SH3RF3: variants seen among roughly 807,000 people sequenced by gnomAD.
SH3RF3 encodes E3 ubiquitin-protein ligase SH3RF3.
Under a neutral mutation model 66.3 loss-of-function variants are expected in SH3RF3, and 29 were observed. The ratio of observed to expected loss-of-function variants is 0.44; its 90% CI spans 0.33 to 0.60. The LOEUF (loss-of-function observed/expected upper bound fraction) is 0.60, where lower values mean the gene tolerates loss of function less well. Among genes scored for constraint, SH3RF3 ranks in the 20% least tolerant of loss-of-function variants. The pLI is 0.04. For missense variants in SH3RF3, 1,194 were observed against 1,190.9 expected (o/e 1.00, Z -0.04); for synonymous variants, 583 against 532.0 (o/e 1.10, Z -1.32).
At chr2:109,486,905 G>A (rs1678995180) in intron 8 of SH3RF3, among the ~76,000 whole-genome samples, 2 of 152,320 alleles carry the variant, frequency 1.3e-5, no homozygotes, top group South Asian at 2.1e-4. Flanking sequence ...CAAACGAGAC[G>A]TTTTGTTCCT....
rs150095908 is a variant in SH3RF3, at chr2:109,205,350, C to T, written c.573+75237C>T. On this transcript the variant is annotated intron_variant, in intron 1 of 9. Transcript: ENST00000309415. ...ATCTCAGCTCAAGAGATTCTCCTGC[C>T]GCAGCCTTCTGAGTAGCTGGGACTA... 2.8e-3 allele frequency among the ~76,000 whole-genome samples: 418 copies of T among 151,674 alleles called. 4 individuals carry two copies. Among genetic ancestry groups the T allele is most frequent in the African/African-American group, 9.3e-3 (384 of 41,336 alleles).
chr2:109,440,072 C>G (rs10171859), intron 7 of SH3RF3, among the ~76,000 whole-genome samples: 2 of 152,154 alleles, frequency 1.3e-5, no homozygotes, highest in South Asian at 4.1e-4. Context: ...AGCAGAGGAA[C>G]CAGCATGAGC....
intron 8 of SH3RF3, among the ~76,000 whole-genome samples, chr2:109,474,283 G>C (rs977837855): frequency 7.2e-5 from 11 of 152,198 alleles, no homozygotes; most frequent in African/African-American, 2.4e-4. Flanking sequence ...AAGAGCTGAA[G>C]TTTTGAGCCG....
chr2:109,251,503 C>A (rs1221020564), intron 1 of SH3RF3: 1 of 742,420 alleles, frequency 1.3e-6, no homozygotes, highest in East Asian at 2.6e-5. Flanking sequence ...CAGACATGTC[C>A]AAGGAATATT....
chr2:109,131,487 C>G (rs1455407681), intron 1 of SH3RF3, among the ~76,000 whole-genome samples: 3 of 152,152 alleles, frequency 2.0e-5, no homozygotes, highest in Non-Finnish European at 4.4e-5. Context: ...TTCTTCTGTT[C>G]TGATAAATTA....
At chr2:109,429,448 C>T (rs559508918) in intron 5 of SH3RF3, among the ~76,000 whole-genome samples, 113 of 152,276 alleles carry the variant, frequency 7.4e-4, no homozygotes, top group African/African-American at 2.5e-3. Context: ...ATCAACAGAA[C>T]GAACTTAAAA....
At chr2:109,479,975 A>C (rs1678792426) in intron 8 of SH3RF3, among the ~76,000 whole-genome samples, 1 of 152,090 alleles carries the variant, frequency 6.6e-6, no homozygotes, top group Non-Finnish European at 1.5e-5. Flanking sequence ...TATGCAGGTG[A>C]CATGTCCCCT....
chr2:109,454,259 C>T (rs976921107), intron 8 of SH3RF3, among the ~76,000 whole-genome samples: 1 of 152,194 alleles, frequency 6.6e-6, no homozygotes, highest in Non-Finnish European at 1.5e-5. Context: ...TTTATAATTA[C>T]TTTGTCTACT....
intron 2 of SH3RF3, among the ~76,000 whole-genome samples, chr2:109,362,496 T>C (rs1478339084): frequency 1.3e-5 from 2 of 152,216 alleles, no homozygotes; most frequent in African/African-American, 4.8e-5. Flanking sequence ...TGGTCTGTCC[T>C]GGTGAATGTT....
At chr2:109,363,724 T>A (rs1683099068) in intron 2 of SH3RF3, among the ~76,000 whole-genome samples, 1 of 152,218 alleles carries the variant, frequency 6.6e-6, no homozygotes, top group Admixed American at 6.5e-5. Context: ...AAGGATAATT[T>A]CACAGGTACA....
At chr2:109,332,242 G>A (rs1682305136) in intron 1 of SH3RF3, among the ~76,000 whole-genome samples, 1 of 152,136 alleles carries the variant, frequency 6.6e-6, no homozygotes, top group African/African-American at 2.4e-5. Flanking sequence ...TCTGAGTTCA[G>A]GGTAGAAACA....
chr2:109,432,151 G>C (rs770158487), intron 5 of SH3RF3, among the ~76,000 whole-genome samples: 12 of 152,206 alleles, frequency 7.9e-5, no homozygotes, highest in Non-Finnish European at 1.3e-4. Flanking sequence ...CCAAAGAGCT[G>C]GCCCTGGGAT....
chr2:109,488,321 G>A (rs1254926720), intron 8 of SH3RF3, among the ~76,000 whole-genome samples: 1 of 152,162 alleles, frequency 6.6e-6, no homozygotes, highest in Non-Finnish European at 1.5e-5. Context: ...AGTTGTGACA[G>A]CCCAGATGTC....
rs1200010022 is a variant in SH3RF3 at position 109,130,004 on chromosome 2, G to A, written c.464G>A (p.Gly155Asp). 1.5e-6 allele frequency: 2 copies of A among 1,299,412 alleles called. No homozygotes were observed. The highest frequency in any genetic ancestry group is 2.4e-5 in the South Asian group (1 of 42,220). 80.5% of individuals were successfully genotyped at this position (1,299,412 alleles called of 1,614,324 possible). A position where few individuals can be genotyped will look rare whatever the true frequency, so the allele number is the denominator to read the frequency against. ...CCCACGCTCGCGGGCGGCGGGGGCGGCGCGGCAGGCAGCACCCCGGGTTCC... is the reference window on the plus strand; with the variant it reads ...CCCACGCTCGCGGGCGGCGGGGGCGACGCGGCAGGCAGCACCCCGGGTTCC... ...AAPTLAGGGG[G>D]AAGSTPGSPV... Residue 155 changes from glycine to aspartate, a missense_variant, in exon 1 of 10, where the codon GGC (glycine) becomes GAC (aspartate). Transcript: ENST00000309415.
At chr2:109,297,561 C>A (rs1681346199) in intron 1 of SH3RF3, among the ~76,000 whole-genome samples, 1 of 150,702 alleles carries the variant, frequency 6.6e-6, no homozygotes, top group Non-Finnish European at 1.5e-5. Context: ...AAGTCAATGC[C>A]TCCCACCTAG....
chr2:109,171,466 C>T (rs1269798445), intron 1 of SH3RF3, among the ~76,000 whole-genome samples: 2 of 152,242 alleles, frequency 1.3e-5, no homozygotes, highest in Admixed American at 1.3e-4. Flanking sequence ...TCCTGCTCCA[C>T]GCTTGCCCCC....
chr2:109,356,502 T>G (rs1574594438), intron 2 of SH3RF3, among the ~76,000 whole-genome samples: 1 of 151,692 alleles, frequency 6.6e-6, no homozygotes, highest in East Asian at 1.9e-4. Context: ...CCTGGTGGGG[T>G]TTTCATGTGC....
intron 7 of SH3RF3, among the ~76,000 whole-genome samples, chr2:109,446,123 T>C (rs571230951): frequency 3.3e-5 from 5 of 151,726 alleles, no homozygotes; most frequent in Middle Eastern, 3.4e-3. Context: ...GCACCCGGGG[T>C]GGGTGAAAAT....
intron 8 of SH3RF3, among the ~76,000 whole-genome samples, chr2:109,476,061 A>T (rs541171479): frequency 1.1e-3 from 167 of 152,336 alleles, no homozygotes; most frequent in African/African-American, 3.9e-3. Context: ...GCAGTACTGT[A>T]CGGTATGCTT....
Sources: allele counts gnomAD v4.1 joint callset (sites outside exome capture counted in the v4.1 genomes callset), GRCh38; gene constraint gnomAD v4.1.1; transcripts MANE v1.5; gene names NCBI Gene and HGNC (gene_info 2026-07-23, HGNC 2026-07-21).